Variants in ADGRL2 observed in about 807,000 individuals in gnomAD.
ADGRL2 encodes calcium-independent alpha-latrotoxin receptor 2.
Under a neutral mutation model 157.4 loss-of-function variants are expected in ADGRL2, and 44 were observed. The ratio of observed to expected loss-of-function variants is 0.28; its 90% confidence interval spans 0.22 to 0.36. The LOEUF (loss-of-function observed/expected upper bound fraction) is 0.36, where lower values mean the gene tolerates loss of function less well. ADGRL2 is among the 10% of genes least tolerant of loss of function. ADGRL2 has a pLI of 1.00. For synonymous variants in ADGRL2, 585 were observed against 624.7 expected (o/e 0.94, Z 0.95); for missense variants, 1,510 against 1,768.9 (o/e 0.85, Z 2.63).
intron 1 of ADGRL2, among the ~76,000 whole-genome samples, chr1:81,332,076 T>A (rs1398352823): frequency 6.6e-6 from 1 of 152,174 alleles, no homozygotes; most frequent in African/African-American, 2.4e-5. Context: ...GACAAATGGA[T>A]TCTGCAACTC....
intron 3 of ADGRL2, chr1:81,596,188 G>A: frequency 1.9e-6 from 1 of 528,632 alleles, no homozygotes; most frequent in Non-Finnish European, 3.6e-6. Flanking sequence ...TTTAACTCCT[G>A]GCTCAATACT....
chr1:81,597,420 T>A (rs1411494823), intron 3 of ADGRL2, among the ~76,000 whole-genome samples: 1 of 152,232 alleles, frequency 6.6e-6, no homozygotes, highest in Non-Finnish European at 1.5e-5. Flanking sequence ...ATATTTTACA[T>A]GTTTGAATTA....
At chr1:81,793,873 ATTCT>A (rs1486116528) in intron 2 of ADGRL2, among the ~76,000 whole-genome samples, 1 of 152,092 alleles carries the variant, frequency 6.6e-6, no homozygotes, top group Admixed American at 6.6e-5. Flanking sequence ...TATTTTTCAG[ATTCT>A]TTATTTGATT....
chr1:81,504,300 C>T (rs1328488133), intron 2 of ADGRL2, among the ~76,000 whole-genome samples: 1 of 151,436 alleles, frequency 6.6e-6, no homozygotes, highest in Non-Finnish European at 1.5e-5. Flanking sequence ...CAGTCCTCCC[C>T]AGCCTTCTTC....
At chr1:81,766,396 C>A (rs2086119212) in intron 2 of ADGRL2, among the ~76,000 whole-genome samples, 1 of 151,898 alleles carries the variant, frequency 6.6e-6, no homozygotes, top group Non-Finnish European at 1.5e-5. Flanking sequence ...TTCAAATATA[C>A]AAATCAAAAT....
chr1:81,534,917 T>C (rs2079696315), intron 2 of ADGRL2, among the ~76,000 whole-genome samples: 1 of 152,226 alleles, frequency 6.6e-6, no homozygotes, highest in South Asian at 2.1e-4. Context: ...ATTCAAATAC[T>C]AGGTGAATAT....
chr1:81,505,895 A>G (rs1054380114), intron 2 of ADGRL2: 10 of 325,530 alleles, frequency 3.1e-5, no homozygotes, highest in Non-Finnish European at 6.0e-5. Context: ...TTTTCATTAA[A>G]ATCATGTAAA....
chr1:81,886,226 C>T (rs888108298), intron 2 of ADGRL2, among the ~76,000 whole-genome samples: 1 of 152,186 alleles, frequency 6.6e-6, no homozygotes, highest in African/African-American at 2.4e-5. Context: ...GGCTGGAGTG[C>T]AGTGGTGCGA....
chr1:81,927,594 A>T (rs1214826725), intron 3 of ADGRL2, among the ~76,000 whole-genome samples: 1 of 152,004 alleles, frequency 6.6e-6, no homozygotes, highest in Non-Finnish European at 1.5e-5. Context: ...TAATGATTTC[A>T]AAATAAATAA....
intron 3 of ADGRL2, among the ~76,000 whole-genome samples, chr1:81,638,474 A>G (rs1271482447): frequency 6.6e-6 from 1 of 152,206 alleles, no homozygotes; most frequent in African/African-American, 2.4e-5. Flanking sequence ...ATGCATGTAT[A>G]TGGCTATTTA....
At chr1:81,713,200 AG>A (rs1275916582) in intron 1 of ADGRL2, among the ~76,000 whole-genome samples, 1 of 152,198 alleles carries the variant, frequency 6.6e-6, no homozygotes, top group East Asian at 1.9e-4. Context: ...AGCATCCAAG[AG>A]TCAGAGTTCA....
chr1:81,842,679 A>G (rs1447381685), intron 2 of ADGRL2, among the ~76,000 whole-genome samples: 1 of 151,960 alleles, frequency 6.6e-6, no homozygotes, highest in Non-Finnish European at 1.5e-5. Context: ...TCAAGAGTAT[A>G]CTCAGAAAAA....
At chr1:81,843,071 A>G (rs796249) in intron 2 of ADGRL2, among the ~76,000 whole-genome samples, 19,305 of 152,158 alleles carry the variant, frequency 0.13, 1,306 homozygotes, top group Admixed American at 0.21. Flanking sequence ...ATGTAACTTT[A>G]TTTTCTAAAT....
At chr1:81,502,285 C>T in intron 2 of ADGRL2, 6 of 1,613,956 alleles carry the variant, frequency 3.7e-6, no homozygotes, top group Non-Finnish European at 5.1e-6. Flanking sequence ...CATCTTCTGT[C>T]TCCACAGCAG....
At chr1:81,673,357 C>G (rs1180636276) in intron 3 of ADGRL2, among the ~76,000 whole-genome samples, 1 of 151,992 alleles carries the variant, frequency 6.6e-6, no homozygotes, top group Non-Finnish European at 1.5e-5. Context: ...TTCAGGAACT[C>G]TGTATTTCTC....
intron 1 of ADGRL2, among the ~76,000 whole-genome samples, chr1:81,821,030 G>A (rs1185959017): frequency 6.6e-6 from 1 of 152,050 alleles, no homozygotes; most frequent in East Asian, 1.9e-4. Flanking sequence ...GCTTTTTTAT[G>A]AAAGGATCAG....
At chr1:81,776,487 A>T (rs904950303) in intron 2 of ADGRL2, among the ~76,000 whole-genome samples, 1 of 152,180 alleles carries the variant, frequency 6.6e-6, no homozygotes, top group African/African-American at 2.4e-5. Context: ...ACGCCTGGCC[A>T]GTAAGATTTT....
At chr1:81,517,343 C>A (rs146468257) in intron 2 of ADGRL2, among the ~76,000 whole-genome samples, 2 of 151,558 alleles carry the variant, frequency 1.3e-5, no homozygotes, top group African/African-American at 4.8e-5. Flanking sequence ...TGGTGGTGCA[C>A]GCCTGTAGTC....
At chr1:81,747,103 A>C (rs1202471942) in intron 1 of ADGRL2, among the ~76,000 whole-genome samples, 4 of 145,218 alleles carry the variant, frequency 2.8e-5, no homozygotes, top group African/African-American at 1.0e-4. Flanking sequence ...TAATATATAC[A>C]TATATGTGTA....
Sources: gnomAD v4.1 joint callset for allele counts (sites outside exome capture counted in the v4.1 genomes callset) on GRCh38, gnomAD v4.1.1 for gene constraint, MANE v1.5 for transcripts, NCBI Gene and HGNC (gene_info 2026-07-23, HGNC 2026-07-21) for gene names.